RPGRIP1L: variants seen among roughly 807,000 people sequenced by gnomAD.
RPGRIP1L encodes the protein RPGRIP1 like, also known as protein fantom.
In RPGRIP1L, 131 loss-of-function variants were observed where a neutral mutation model predicts 160.4. The ratio of observed to expected loss-of-function variants is 0.82; its 90% CI spans 0.71 to 0.94. RPGRIP1L has a LOEUF of 0.94. RPGRIP1L is among the 40% of genes least tolerant of loss of function. The pLI is 0.00. For synonymous variants in RPGRIP1L, 510 were observed against 515.8 expected (o/e 0.99, Z 0.15); for missense variants, 1,522 against 1,535.8 (o/e 0.99, Z 0.15).
rs1567800920 is a variant in RPGRIP1L at position 53,619,047 on chromosome 16, C to T, written c.3594G>A (p.Trp1198Ter). The change falls in exon 24 of 27, where the codon TGG becomes TGA. Residue 1198 changes from tryptophan (W) to a stop codon, truncating the protein, a stop_gained. Transcript: ENST00000647211. LOFTEE classifies it high-confidence loss of function. ...VSLPKPKSGQ[W>*]VYYNYSNVIY... ...TACCATTGCTATAGTTATAGTAGAC[C>T]CACTGCCCACTCTTGGGTTTTGGAA... 1 of 1,613,420 alleles carries T rather than the reference C, an allele frequency of 6.2e-7. No individual in the cohort carries two copies.
intron 26 of RPGRIP1L, 100 bp from the exon 27 acceptor site, chr16:53,602,288 C>A (rs1963417842): frequency 1.3e-6 from 1 of 795,716 alleles, no homozygotes; most frequent in South Asian, 1.4e-5. Flanking sequence ...GAAAATAGTT[C>A]TACAGAAGTC....
intron 23 of RPGRIP1L, among the ~76,000 whole-genome samples, chr16:53,620,249 A>C (rs1311178837): frequency 6.6e-6 from 1 of 152,220 alleles, no homozygotes; most frequent in Non-Finnish European, 1.5e-5. Context: ...ATTGAAAAGC[A>C]TAAGTATCCT....
chr16:53,637,722 C>A lies in RPGRIP1L; in HGVS notation c.3193G>T (p.Glu1065Ter). 6.2e-7 allele frequency: 1 copy of A among 1,611,016 alleles called. No homozygotes were observed. Among genetic ancestry groups the A allele is most frequent in the Non-Finnish European group, 8.5e-7 (1 of 1,179,742 alleles). ...TCTGGTTCCAAGTCCTCTGTTATTT[C>A]TGTTTCATCTTCAGAAGATGCCAAG... The part of the protein sequence containing the change: ...QSLASSEDET[E>*]ITEDLEPEVE... The change falls in exon 21 of 27, where the codon GAA becomes TAA. Residue 1065 changes from glutamate (E) to a stop codon, truncating the protein, a stop_gained. Coordinates refer to ENST00000647211, the MANE Select transcript of RPGRIP1L (RefSeq NM_015272.5). LOFTEE classifies it high-confidence loss of function.
At chr16:53,639,509 T>A (rs1005191812) in intron 19 of RPGRIP1L, among the ~76,000 whole-genome samples, 1 of 152,144 alleles carries the variant, frequency 6.6e-6, no homozygotes, top group African/African-American at 2.4e-5. Flanking sequence ...ACCATTTTAC[T>A]ATTGTTGGAC....
At position 53,672,947 on chromosome 16, in the gene RPGRIP1L, TAA is replaced by T. The variant is rs2151245549; in HGVS notation, c.950_951del (p.Leu317GlnfsTer11). On this transcript the variant is annotated frameshift_variant, in exon 8 of 27. Coordinates refer to ENST00000647211, the MANE Select transcript of RPGRIP1L (RefSeq NM_015272.5). LOFTEE classifies it high-confidence loss of function. ...CTGCAGCATTTTAAACGCTGCTCTTTAAGTTGCATGTTTAATTCATCCCCATT... is the reference window on the plus strand; with the variant it reads ...CTGCAGCATTTTAAACGCTGCTCTTTGTTGCATGTTTAATTCATCCCCATT... Reference protein sequence around the residue: ...MANGDELNMQLKEQRLKCCSL... With the variant: ...MANGDELNMQXKEQRLKCCSL... The T allele has an allele frequency of 2.5e-6, 4 of 1,613,232 alleles. No individual in the cohort carries two copies. Among genetic ancestry groups the T allele is most frequent in the Non-Finnish European group, 3.4e-6 (4 of 1,179,462 alleles).
chr16:53,664,848 G>T, intron 10 of RPGRIP1L, 22 bp downstream of exon 10: 2 of 1,605,776 alleles, frequency 1.2e-6, no homozygotes, highest in Non-Finnish European at 1.7e-6. Flanking sequence ...AATGAGTAAG[G>T]CAGTGGTTAT....
chr16:53,654,044 A>C (rs1967040668), intron 14 of RPGRIP1L, among the ~76,000 whole-genome samples: 2 of 152,038 alleles, frequency 1.3e-5, no homozygotes, highest in Non-Finnish European at 2.9e-5. Context: ...GCTCACTGCA[A>C]CCTCTGCTTC....
chr16:53,601,392 A>G lies in RPGRIP1L; in HGVS notation c.*684T>C, dbSNP rs1349957992. On this transcript the variant is annotated 3_prime_UTR_variant, in exon 27 of 27. Coordinates refer to ENST00000647211, the MANE Select transcript of RPGRIP1L (RefSeq NM_015272.5). ...GGGTCACCATTACAAATGTATGAAA[A>G]TAATACAAATAGAATGAACTTTTAA... 1.3e-5 allele frequency: 2 copies of G among 152,698 alleles called. No homozygotes were observed. Among genetic ancestry groups the G allele is most frequent in the African/African-American group, 4.8e-5 (2 of 41,460 alleles). 9.5% of individuals were successfully genotyped at this position (152,698 alleles called of 1,614,324 possible).
chr16:53,687,746 T>C (rs1166202193), intron 5 of RPGRIP1L, 117 bp downstream of exon 5: 11 of 721,776 alleles, frequency 1.5e-5, no homozygotes, highest in Middle Eastern at 3.8e-4. Flanking sequence ...CTACAGAACA[T>C]AGCTGTATTT....
chr16:53,661,311 A>AG (rs1290487548), intron 10 of RPGRIP1L, among the ~76,000 whole-genome samples: 1 of 152,010 alleles, frequency 6.6e-6, no homozygotes, highest in Non-Finnish European at 1.5e-5. Flanking sequence ...AAAAAAAAAA[A>AG]GAATATCCAA....
Position 53,671,494 on chromosome 16 carries a change from TG to T in RPGRIP1L, c.1103+15del. The T allele has an allele frequency of 6.6e-7, 1 of 1,514,154 alleles. No individual in the cohort carries two copies. Among genetic ancestry groups the T allele is most frequent in the South Asian group, 1.1e-5 (1 of 88,744 alleles). 93.8% of individuals were successfully genotyped at this position (1,514,154 alleles called of 1,614,324 possible). On this transcript the variant is annotated intron_variant, in intron 9 of 26. Transcript: ENST00000647211. The stretch of plus-strand genomic sequence containing the variant: ...TCAAACAAGACAATGAAAGAACACA[TG>T]GAATCACGATTTACCTGTCATAAAG...
In RPGRIP1L at chr16:53,703,816, C is replaced by T; in HGVS notation, c.-21G>A. On this transcript the variant is annotated 5_prime_UTR_variant, in exon 1 of 27. Coordinates refer to ENST00000647211, the MANE Select transcript of RPGRIP1L (RefSeq NM_015272.5). ...CCGGGTACTCACCGTGCCACTGGCC[C>T]TGCAGCTAGCTACCGTTGCTATAGC... The T allele has an allele frequency of 2.4e-6, 1 of 414,234 alleles. No homozygotes were observed. Among genetic ancestry groups the T allele is most frequent in the African/African-American group, 2.0e-5 (1 of 49,500 alleles). 25.7% of individuals were successfully genotyped at this position (414,234 alleles called of 1,614,324 possible). A position where few individuals can be genotyped will look rare whatever the true frequency, so the allele number is the denominator to read the frequency against.
chr16:53,615,710 C>T (rs1282161014), intron 24 of RPGRIP1L, among the ~76,000 whole-genome samples: 1 of 151,298 alleles, frequency 6.6e-6, no homozygotes, highest in Admixed American at 6.6e-5. Context: ...ATGATCTGCC[C>T]ACCTCCGCCT....
intron 15 of RPGRIP1L, among the ~76,000 whole-genome samples, chr16:53,651,319 C>G (rs1023360096): frequency 2.6e-5 from 4 of 152,106 alleles, no homozygotes; most frequent in Non-Finnish European, 4.4e-5. Context: ...CTTTCATTAC[C>G]ATCTTAATCC....
At chr16:53,622,799 CCA>C (rs201959082) in intron 22 of RPGRIP1L, among the ~76,000 whole-genome samples, 22,466 of 135,570 alleles carry the variant, frequency 0.17, 1,700 homozygotes, top group Non-Finnish European at 0.19. Flanking sequence ...AAAACAAAAA[CCA>C]CACACACACA....
At chr16:53,602,928 C>T (rs1963459281) in intron 26 of RPGRIP1L, among the ~76,000 whole-genome samples, 2 of 152,196 alleles carry the variant, frequency 1.3e-5, no homozygotes, top group Admixed American at 6.5e-5. Context: ...GAAAACATTT[C>T]ATTTAAAATA....
chr16:53,645,394 C>T (rs1428097743), intron 17 of RPGRIP1L, among the ~76,000 whole-genome samples: 1 of 151,032 alleles, frequency 6.6e-6, no homozygotes, highest in Non-Finnish European at 1.5e-5. Flanking sequence ...AATTAAATAC[C>T]TTAAGTATTT....
At chr16:53,658,523 T>C (rs1967465982) in intron 11 of RPGRIP1L, 59 bp from the exon 12 acceptor site, 1 of 1,311,890 alleles carries the variant, frequency 7.6e-7, no homozygotes, top group African/African-American at 1.4e-5. Flanking sequence ...CAAGAGACAT[T>C]CCAAGTATTC....
chr16:53,601,200 A>T lies in RPGRIP1L; in HGVS notation c.*876T>A, dbSNP rs1020926816. The T allele has an allele frequency of 6.6e-6, 1 of 152,634 alleles. No individual in the cohort carries two copies. Among genetic ancestry groups the T allele is most frequent in the Non-Finnish European group, 1.5e-5 (1 of 68,042 alleles). The allele number at this position is 152,634 out of a possible 1,614,324, so 9.5% of individuals were successfully genotyped here. A position where few individuals can be genotyped will look rare whatever the true frequency, so the allele number is the denominator to read the frequency against. On this transcript the variant is annotated 3_prime_UTR_variant, in exon 27 of 27. Coordinates refer to ENST00000647211, the MANE Select transcript of RPGRIP1L (RefSeq NM_015272.5). ...TACACCCTGGCACTGTACTGGCTTG[A>T]TGTAAATTTAAAAAATGATAAAAAG...
Sources: gnomAD v4.1 joint callset for allele counts (sites outside exome capture counted in the v4.1 genomes callset) on GRCh38, gnomAD v4.1.1 for gene constraint, MANE v1.5 for transcripts, NCBI Gene and HGNC (gene_info 2026-07-23, HGNC 2026-07-21) for gene names.